The following PXK variants were observed in gnomAD, a reference collection of about 807,000 sequenced individuals.
PXK encodes the protein PX domain containing serine/threonine kinase like.
In PXK, 35 loss-of-function variants were observed where a neutral mutation model predicts 84.7. The observed-to-expected ratio is 0.41, with a 90% CI of 0.32 to 0.55. PXK has a LOEUF of 0.55. PXK is among the 20% of genes least tolerant of loss of function. PXK has a pLI of 0.21. For missense variants in PXK, 634 were observed against 699.7 expected, an observed-to-expected ratio of 0.91 and a Z score of 1.06; for synonymous variants, 253 against 260.8, an observed-to-expected ratio of 0.97 and a Z score of 0.29.
In PXK at chr3:58,421,418, T is replaced by C; in HGVS notation, c.1529-3334T>C. 1 of 838,212 alleles carries C rather than the reference T, an allele frequency of 1.2e-6. No homozygotes were observed. The highest frequency in any genetic ancestry group is 1.4e-6 in the Non-Finnish European group (1 of 695,988). 51.9% of individuals were successfully genotyped at this position (838,212 alleles called of 1,614,324 possible). A position where few individuals can be genotyped will look rare whatever the true frequency, so the allele number is the denominator to read the frequency against. On this transcript the variant is annotated intron_variant, in intron 17 of 17. Coordinates refer to ENST00000356151, the MANE Select transcript of PXK (RefSeq NM_017771.5). This position sits in a 1 kb window ranked among gnomAD's most constrained non-coding sequence, Gnocchi z 5.5. ...CAACATGGTGAAACCCCATCTGTAC[T>C]AAAAATACAAAAATTAGGTGGGCAT...
At chr3:58,396,302 A>G (rs1299653708) in intron 9 of PXK, among the ~76,000 whole-genome samples, 1 of 152,194 alleles carries the variant, frequency 6.6e-6, no homozygotes, top group Non-Finnish European at 1.5e-5. Context: ...ATTTGTTTGG[A>G]TGGAGACAGC....
At chr3:58,359,675 A>G (rs1006896373) in intron 1 of PXK, among the ~76,000 whole-genome samples, 4 of 152,252 alleles carry the variant, frequency 2.6e-5, no homozygotes, top group African/African-American at 4.8e-5. Context: ...CCAATTATAC[A>G]TGCCAATTTA....
In PXK at chr3:58,382,514, A is replaced by G. The variant is rs909105227; in HGVS notation, c.202A>G (p.Ile68Val). 3 of 1,485,522 alleles carry G rather than the reference A, an allele frequency of 2.0e-6. No homozygotes were observed. Among genetic ancestry groups the G allele is most frequent in the Non-Finnish European group, 2.7e-6 (3 of 1,120,746 alleles). The allele number at this position is 1,485,522 out of a possible 1,614,324, so 92.0% of individuals were successfully genotyped here. Reference sequence around the variant, plus strand: ...TAACTTTTTTTTTTTTTTTTTAAAGATTGCAGGCCTAAGTCTACCTCTTCC... The same window carrying G: ...TAACTTTTTTTTTTTTTTTTTAAAGGTTGCAGGCCTAAGTCTACCTCTTCC... The part of the protein sequence containing the change: ...DFDLLNNSLQ[I>V]AGLSLPLPPK... Residue 68 changes from isoleucine (I) to valine (V), a missense_variant and splice_region_variant, in exon 4 of 18, where the codon ATT (isoleucine) becomes GTT (valine). Ile to Val is a conservative substitution (Grantham distance 29, BLOSUM62 3). Transcript: ENST00000356151.
At chr3:58,376,894 T>G (rs1409342959) in intron 3 of PXK, among the ~76,000 whole-genome samples, 1 of 152,076 alleles carries the variant, frequency 6.6e-6, no homozygotes, top group Non-Finnish European at 1.5e-5. Context: ...CTTGCCTCGG[T>G]CTCCCAAAGT....
chr3:58,342,942 G>A (rs2097762965), intron 1 of PXK, among the ~76,000 whole-genome samples: 1 of 152,208 alleles, frequency 6.6e-6, no homozygotes, highest in Admixed American at 6.5e-5. Context: ...TTCTAGGCAC[G>A]GCTCTGCCTG....
intron 4 of PXK, among the ~76,000 whole-genome samples, chr3:58,387,624 G>T (rs1236386274): frequency 6.6e-6 from 1 of 152,148 alleles, no homozygotes; most frequent in Non-Finnish European, 1.5e-5. Flanking sequence ...AGGTAGCCAG[G>T]CCGAGAGGCA....
intron 13 of PXK, 111 bp from the exon 14 acceptor site, chr3:58,408,813 C>G (rs551126425): frequency 7.5e-5 from 60 of 803,112 alleles, no homozygotes; most frequent in Middle Eastern, 4.5e-4. Flanking sequence ...TGAGCCACCG[C>G]GCCCGGCCGA....
chr3:58,377,273 A>G (rs1391371759), intron 3 of PXK, among the ~76,000 whole-genome samples: 1 of 152,092 alleles, frequency 6.6e-6, no homozygotes, highest in Non-Finnish European at 1.5e-5. Flanking sequence ...TGGCTGCATC[A>G]TTGTTGTTTG....
At chr3:58,389,673 C>CA (rs138637865) in intron 4 of PXK, among the ~76,000 whole-genome samples, 3 of 89,174 alleles carry the variant, frequency 3.4e-5, no homozygotes, top group African/African-American at 6.1e-5. Flanking sequence ...AAAACAAAAA[C>CA]AAACAAAAAA....
Position 58,333,102 on chromosome 3 carries a change from A to C in PXK, c.102+12A>C. The C allele has an allele frequency of 8.7e-7, 1 of 1,154,530 alleles. No individual in the cohort carries two copies. The highest frequency in any genetic ancestry group is 3.4e-4 in the Middle Eastern group (1 of 2,962). The allele number at this position is 1,154,530 out of a possible 1,614,324, so 71.5% of individuals were successfully genotyped here. ...TGCAGTCCCACACGGTGCGCGGCCC[A>C]GCGGGCGGGCGGGCGGCGTGGGGCG... On this transcript the variant is annotated intron_variant, in intron 1 of 17. Transcript: ENST00000356151. This position sits in a 1 kb window ranked among gnomAD's most constrained non-coding sequence, Gnocchi z 5.4.
chr3:58,354,636 A>G (rs565980243), intron 1 of PXK, among the ~76,000 whole-genome samples: 2 of 151,890 alleles, frequency 1.3e-5, no homozygotes, highest in Admixed American at 1.3e-4. Flanking sequence ...TTCAGTAGAG[A>G]TGGGGGTTTC....
In PXK at chr3:58,409,188, T is replaced by G. The variant is rs757828231; in HGVS notation, c.1308+187T>G. 2.6e-5 allele frequency among the ~76,000 whole-genome samples: 4 copies of G among 152,182 alleles called. No individual in the cohort carries two copies. Among genetic ancestry groups the G allele is most frequent in the Non-Finnish European group, 5.9e-5 (4 of 68,016 alleles). Reference sequence around the variant, plus strand: ...CAGTCCTGCCCTCAGTCCTGCCTAGTCTATGTGGGAAACAAACATGTCCAG... The same window carrying G: ...CAGTCCTGCCCTCAGTCCTGCCTAGGCTATGTGGGAAACAAACATGTCCAG... On this transcript the variant is annotated intron_variant, in intron 14 of 17. Coordinates refer to ENST00000356151, the MANE Select transcript of PXK (RefSeq NM_017771.5). This position sits in a 1 kb window ranked among gnomAD's most constrained non-coding sequence, Gnocchi z 4.2.
In PXK at chr3:58,403,711, G is replaced by T. The variant is rs571581797; in HGVS notation, c.1182-151G>T. On this transcript the variant is annotated intron_variant, in intron 12 of 17. Transcript: ENST00000356151. ...TGCAAATCCCTTTGCATTTGTTAAT[G>T]AACATGGAATGGTGGATTGGGCCAG... is the stretch of plus-strand genomic sequence containing the variant. 5 of 412,024 alleles carry T rather than the reference G, an allele frequency of 1.2e-5. No individual in the cohort carries two copies. The East Asian group carries it at 1.7e-4, about 14-fold the overall frequency. The allele number at this position is 412,024 out of a possible 1,614,324, so 25.5% of individuals were successfully genotyped here.
At chr3:58,405,886 A>G (rs2059325059) in intron 13 of PXK, among the ~76,000 whole-genome samples, 1 of 152,198 alleles carries the variant, frequency 6.6e-6, no homozygotes, top group African/African-American at 2.4e-5. Context: ...CAGAACATAA[A>G]TCTCTCACAA....
intron 2 of PXK, among the ~76,000 whole-genome samples, 157 bp from the exon 3 acceptor site, chr3:58,369,274 G>C (rs2098327400): frequency 6.6e-6 from 1 of 152,162 alleles, no homozygotes; most frequent in East Asian, 1.9e-4. Context: ...AGGCTTGTCA[G>C]GTTAAACAGT....
chr3:58,373,463 A>T (rs1221981642), intron 3 of PXK, among the ~76,000 whole-genome samples: 1 of 152,130 alleles, frequency 6.6e-6, no homozygotes, highest in Non-Finnish European at 1.5e-5. Flanking sequence ...TTATAGCACA[A>T]ATGTTTTGTA....
chr3:58,387,048 C>A (rs1472862031), intron 4 of PXK, among the ~76,000 whole-genome samples: 1 of 152,178 alleles, frequency 6.6e-6, no homozygotes, highest in Non-Finnish European at 1.5e-5. Flanking sequence ...TAGCTCCAGT[C>A]CTAGAGGAGT....
chr3:58,351,395 T>TTGTG (rs57349140), intron 1 of PXK, among the ~76,000 whole-genome samples: 6,434 of 140,554 alleles, frequency 0.046, 157 homozygotes, highest in Admixed American at 0.049. Flanking sequence ...AGCTAGCTAT[T>TTGTG]TGTGTGTGTG....
At chr3:58,368,903 ACTGT>A (rs1481158353) in intron 2 of PXK, among the ~76,000 whole-genome samples, 1 of 152,198 alleles carries the variant, frequency 6.6e-6, no homozygotes, top group Non-Finnish European at 1.5e-5. Context: ...TGGAAGGTGG[ACTGT>A]CTGTCAAGAG....
Sources: gnomAD v4.1 joint callset for allele counts (sites outside exome capture counted in the v4.1 genomes callset) on GRCh38, gnomAD v4.1.1 for gene constraint, Gnocchi (gnomAD v3.1) non-coding constraint, MANE v1.5 for transcripts, NCBI Gene and HGNC (gene_info 2026-07-23, HGNC 2026-07-21) for gene names.